Variants in RNF24 observed in about 807,000 individuals in gnomAD.
RNF24 encodes ring finger protein 24.
A neutral mutation model predicts 20.0 loss-of-function variants in RNF24; 14 were observed. The observed-to-expected ratio is 0.70, with a 90% CI of 0.46 to 1.10. RNF24 has a LOEUF of 1.10. Ranked by LOEUF, RNF24 falls within the 50% of genes least tolerant of loss-of-function variation. The pLI is 0.00. For synonymous variants in RNF24, 45 were observed against 61.1 expected, an observed-to-expected ratio of 0.74 and a Z score of 1.23; for missense variants, 124 against 177.6, an observed-to-expected ratio of 0.70 and a Z score of 1.71.
In RNF24 at chr20:3,964,113, A is replaced by T; in HGVS notation, c.-7-89T>A. ...ATTGTGCACGTATAGAGGCACAATG[A>T]CCTCATCTGAAACAAATATGGTAGA... On this transcript the variant is annotated intron_variant, in intron 1 of 5. Coordinates refer to ENST00000358395, the MANE Select transcript of RNF24 (RefSeq NM_001134337.3). The T allele has an allele frequency of 5.6e-6, 6 of 1,075,040 alleles. No individual in the cohort carries two copies. In the East Asian group the frequency reaches 1.2e-4, roughly 22 times the overall value. The allele number at this position is 1,075,040 out of a possible 1,614,324, so 66.6% of individuals were successfully genotyped here. A position where few individuals can be genotyped will look rare whatever the true frequency, so the allele number is the denominator to read the frequency against.
At chr20:3,936,085 T>C (rs2146939727) in intron 4 of RNF24, among the ~76,000 whole-genome samples, 1 of 152,358 alleles carries the variant, frequency 6.6e-6, no homozygotes, top group South Asian at 2.1e-4. Context: ...TTATGTAACA[T>C]GATCCAGGCA....
rs959209819 is a variant in RNF24, at chr20:3,989,503, T to G, written c.-7-25479A>C. Among the ~76,000 whole-genome samples the G allele has an allele frequency of 1.8e-4, 26 of 145,442 alleles. 1 individual carries two copies. The highest frequency in any genetic ancestry group is 1.1e-3 in the South Asian group (5 of 4,524). ...AAGACTCCATCTCAAAAAAAAAAAA[T>G]AAAAAAAGAAAAACCTGTGCTGCTG... On this transcript the variant is annotated intron_variant, in intron 1 of 5. Coordinates refer to ENST00000358395, the MANE Select transcript of RNF24 (RefSeq NM_001134337.3).
chr20:4,005,576 G>A (rs760603880), intron 1 of RNF24, among the ~76,000 whole-genome samples: 1 of 152,030 alleles, frequency 6.6e-6, no homozygotes, highest in African/African-American at 2.4e-5. Flanking sequence ...ATAATTTGAC[G>A]TTTCATTATC....
intron 1 of RNF24, among the ~76,000 whole-genome samples, chr20:3,977,658 G>T (rs533402266): frequency 6.6e-6 from 1 of 152,198 alleles, no homozygotes; most frequent in Admixed American, 6.5e-5. Context: ...GAGGTCAGGA[G>T]ATCGAGACCA....
chr20:3,945,645 G>T (rs2091007246), intron 3 of RNF24, among the ~76,000 whole-genome samples: 1 of 151,766 alleles, frequency 6.6e-6, no homozygotes, highest in Non-Finnish European at 1.5e-5. Flanking sequence ...AACCCAGGAG[G>T]CGGAAGTTGC....
intron 1 of RNF24, among the ~76,000 whole-genome samples, chr20:3,972,810 C>T (rs773269697): frequency 4.6e-5 from 7 of 151,748 alleles, no homozygotes; most frequent in Non-Finnish European, 1.0e-4. Flanking sequence ...GGCTAAGGCA[C>T]GAGGATCGCT....
At chr20:3,975,778 T>C (rs1367370590) in intron 1 of RNF24, among the ~76,000 whole-genome samples, 1 of 151,952 alleles carries the variant, frequency 6.6e-6, no homozygotes, top group Non-Finnish European at 1.5e-5. Flanking sequence ...TGCTGAGTGA[T>C]ATAAGAAGCA....
chr20:4,009,668 G>A (rs1982277459), intron 1 of RNF24, among the ~76,000 whole-genome samples: 1 of 152,084 alleles, frequency 6.6e-6, no homozygotes. Context: ...ATGAAATAGT[G>A]ATAGGCAAAA....
chr20:3,994,146 G>A (rs1193288813), intron 1 of RNF24, among the ~76,000 whole-genome samples: 1 of 152,106 alleles, frequency 6.6e-6, no homozygotes, highest in Non-Finnish European at 1.5e-5. Flanking sequence ...AAATGTCATG[G>A]CACTTCTCGA....
intron 2 of RNF24, among the ~76,000 whole-genome samples, chr20:3,950,173 G>A (rs945900381): frequency 1.2e-4 from 19 of 152,264 alleles, no homozygotes; most frequent in East Asian, 9.6e-4. Context: ...GAATGTGTCC[G>A]CCTCAGCTCC....
chr20:4,010,089 ACAAG>A (rs1374136022), intron 1 of RNF24, among the ~76,000 whole-genome samples: 1 of 145,740 alleles, frequency 6.9e-6, no homozygotes, highest in Non-Finnish European at 1.5e-5. Flanking sequence ...AAACAAACAA[ACAAG>A]GCCAGATGCG....
At chr20:3,944,741 C>CGATA (rs2090997295) in intron 4 of RNF24, among the ~76,000 whole-genome samples, 1 of 152,218 alleles carries the variant, frequency 6.6e-6, no homozygotes. Context: ...ATATCGCTAC[C>CGATA]TGTGTGTTCT....
Position 3,993,436 on chromosome 20 carries a change from G to A in RNF24, c.-8+22001C>T, listed in dbSNP as rs149444740. Among the ~76,000 whole-genome samples, 1,377 of 152,138 alleles carry A rather than the reference G, an allele frequency of 9.1e-3. 22 individuals are homozygous for A. Among genetic ancestry groups the A allele is most frequent in the African/African-American group, 0.031 (1,300 of 41,500 alleles). ...CCGAGTAGCTGGATTACAGGAGCCC[G>A]TCACCACACCCAGCTAAGTTTTGTA... On this transcript the variant is annotated intron_variant, in intron 1 of 5. Coordinates refer to ENST00000358395, the MANE Select transcript of RNF24 (RefSeq NM_001134337.3).
intron 1 of RNF24, among the ~76,000 whole-genome samples, chr20:4,009,664 T>C (rs77111329): frequency 0.032 from 4,889 of 152,058 alleles, 267 homozygotes; most frequent in African/African-American, 0.11. Context: ...AGTTATGAAA[T>C]AGTGATAGGC....
At chr20:3,963,420 C>T (rs1040178064) in intron 2 of RNF24, among the ~76,000 whole-genome samples, 3 of 151,972 alleles carry the variant, frequency 2.0e-5, no homozygotes, top group African/African-American at 4.8e-5. Context: ...CGAGAACTCC[C>T]GACCTTAGGT....
chr20:3,943,301 A>G (rs241627), intron 4 of RNF24, among the ~76,000 whole-genome samples: 45,924 of 145,520 alleles, frequency 0.32, 7,654 homozygotes, highest in African/African-American at 0.46. Context: ...TCCCAGCAGG[A>G]TTTTTTTTTT....
intron 2 of RNF24, among the ~76,000 whole-genome samples, chr20:3,951,193 G>A (rs553250979): frequency 3.9e-5 from 6 of 152,220 alleles, no homozygotes; most frequent in South Asian, 2.1e-4. Flanking sequence ...TCCTGACCTC[G>A]TTATCCGCCT....
rs555227940 is a variant in RNF24, at chr20:3,964,478, A to C, written c.-7-454T>G. 3.9e-4 allele frequency among the ~76,000 whole-genome samples: 59 copies of C among 152,308 alleles called. 1 individual carries two copies. The highest frequency in any genetic ancestry group is 1.4e-3 in the African/African-American group (57 of 41,570). ...CACAAGGAAATATGATTAATTATAT[A>C]GTCATATGTTATAGTATTAAAGGGT... On this transcript the variant is annotated intron_variant, in intron 1 of 5. Transcript: ENST00000358395.
chr20:3,997,946 T>C (rs1003418729), intron 1 of RNF24, among the ~76,000 whole-genome samples: 2 of 152,226 alleles, frequency 1.3e-5, no homozygotes, highest in African/African-American at 4.8e-5. Flanking sequence ...AGGAAGAGAT[T>C]GAGGCACACA....
Sources: allele counts gnomAD v4.1 joint callset (sites outside exome capture counted in the v4.1 genomes callset), GRCh38; gene constraint gnomAD v4.1.1; transcripts MANE v1.5; gene names NCBI Gene and HGNC (gene_info 2026-07-23, HGNC 2026-07-21).